Variants in MCU observed in about 807,000 individuals in gnomAD.
MCU encodes the protein calcium uniporter protein, mitochondrial.
In MCU, 12 loss-of-function variants were observed where a neutral mutation model predicts 45.2. That is an observed-to-expected ratio of 0.27 (90% CI 0.17 to 0.43). MCU has a LOEUF of 0.43. MCU is among the 20% of genes least tolerant of loss of function. The pLI, the probability that MCU is intolerant of heterozygous loss-of-function variation, is 1.00. For missense variants in MCU, 324 were observed against 436.7 expected (o/e 0.74, Z 2.30); for synonymous variants, 160 against 165.1 (o/e 0.97, Z 0.24).
chr10:72,831,300 A>G (rs879265178), intron 1 of MCU, among the ~76,000 whole-genome samples: 15 of 152,204 alleles, frequency 9.9e-5, no homozygotes, highest in Admixed American at 5.2e-4. Flanking sequence ...TGTAGTTGAT[A>G]CATAGATACG....
chr10:72,868,010 C>T (rs1845484368), intron 4 of MCU, among the ~76,000 whole-genome samples: 1 of 151,886 alleles, frequency 6.6e-6, no homozygotes, highest in African/African-American at 2.4e-5. Context: ...TTATTGTCAC[C>T]ATTTTAATAA....
At chr10:72,739,663 T>C (rs1843298740) in intron 1 of MCU, among the ~76,000 whole-genome samples, 1 of 152,084 alleles carries the variant, frequency 6.6e-6, no homozygotes, top group Non-Finnish European at 1.5e-5. Context: ...AAAGTAGGCT[T>C]GGTATATGAA....
chr10:72,718,763 A>C (rs1308730522), intron 1 of MCU, among the ~76,000 whole-genome samples: 2 of 152,240 alleles, frequency 1.3e-5, no homozygotes, highest in Non-Finnish European at 2.9e-5. Context: ...ATAAGTATAT[A>C]ATTTGTGACA....
At chr10:72,811,701 C>T (rs1431929452) in intron 1 of MCU, among the ~76,000 whole-genome samples, 1 of 152,144 alleles carries the variant, frequency 6.6e-6, no homozygotes, top group Admixed American at 6.5e-5. Context: ...TTTCTTCTAT[C>T]TCTGTATTAA....
intron 1 of MCU, among the ~76,000 whole-genome samples, chr10:72,700,585 G>C (rs1461627584): frequency 6.6e-6 from 1 of 152,038 alleles, no homozygotes; most frequent in East Asian, 1.9e-4. Context: ...GTGAATTATT[G>C]GTCCAAAAAC....
chr10:72,817,588 G>C (rs948385935), intron 1 of MCU, among the ~76,000 whole-genome samples: 2 of 152,014 alleles, frequency 1.3e-5, no homozygotes, highest in African/African-American at 4.8e-5. Context: ...GTTTTTAAAG[G>C]GCTTACAGTT....
At chr10:72,716,400 G>A (rs1842955380) in intron 1 of MCU, among the ~76,000 whole-genome samples, 1 of 152,218 alleles carries the variant, frequency 6.6e-6, no homozygotes, top group African/African-American at 2.4e-5. Context: ...TGGTATGATT[G>A]ATTACTAATA....
intron 1 of MCU, among the ~76,000 whole-genome samples, chr10:72,794,268 G>C (rs565334655): frequency 3.3e-5 from 5 of 152,032 alleles, no homozygotes; most frequent in Non-Finnish European, 7.4e-5. Context: ...TACAGTGGTG[G>C]GAAAAACATA....
At chr10:72,855,577 G>A (rs1589498091) in intron 2 of MCU, among the ~76,000 whole-genome samples, 1 of 152,002 alleles carries the variant, frequency 6.6e-6, no homozygotes, top group South Asian at 2.1e-4. Context: ...TTAGGACCCT[G>A]TCTCTAAAAA....
At position 72,871,566 on chromosome 10, in the gene MCU, G is replaced by A; in HGVS notation, c.847G>A (p.Val283Ile). 1 of 1,613,590 alleles carries A rather than the reference G, an allele frequency of 6.2e-7. No individual in the cohort carries two copies. The highest frequency in any genetic ancestry group is 8.5e-7 in the Non-Finnish European group (1 of 1,179,444). Residue 283 changes from valine to isoleucine, a missense_variant, in exon 6 of 8, where the codon GTA (valine) becomes ATA (isoleucine). Val to Ile is a conservative substitution (Grantham distance 29). Around this residue, in one of 4 missense-constraint regions of MCU, gnomAD observed 76 missense variants for 99.4 expected, o/e 0.76. Coordinates refer to ENST00000373053, the MANE Select transcript of MCU (RefSeq NM_138357.3). ...TGCCATGGCAATGTATGCATATTTT[G>A]TAATGACACGCCAGGTAAGAATTCT... ...GSAMAMYAYF[V>I]MTRQEYVYPE...
At chr10:72,791,803 C>A in intron 1 of MCU, among the ~76,000 whole-genome samples, 1 of 149,876 alleles carries the variant, frequency 6.7e-6, no homozygotes, top group African/African-American at 2.5e-5. Context: ...CCCTTCTGAA[C>A]ATGTTTTCTT....
rs112936516 is a variant in MCU, at chr10:72,726,256, C to CACACACGTGTGT, written c.150+33955_150+33956insACACACGTGTGT. Among the ~76,000 whole-genome samples, 4 of 145,636 alleles carry CACACACGTGTGT rather than the reference C, an allele frequency of 2.7e-5. No homozygotes were observed. The East Asian group carries it at 8.3e-4, about 30-fold the overall frequency. The stretch of plus-strand genomic sequence containing the variant: ...CACATACTTCAGGCACACACACACA[C>CACACACGTGTGT]GTGTGTGTGTGTGTGTGTGTGTGTG... On this transcript the variant is annotated intron_variant, in intron 1 of 7. Transcript: ENST00000373053.
At chr10:72,866,842 G>A (rs1172383540) in intron 4 of MCU, among the ~76,000 whole-genome samples, 1 of 151,744 alleles carries the variant, frequency 6.6e-6, no homozygotes, top group Admixed American at 6.6e-5. Flanking sequence ...CAGGAGACCT[G>A]GACTCTACCC....
At chr10:72,788,570 G>A (rs915389636) in intron 1 of MCU, among the ~76,000 whole-genome samples, 1 of 152,156 alleles carries the variant, frequency 6.6e-6, no homozygotes, top group South Asian at 2.1e-4. Context: ...AGGCTGCAGA[G>A]TGTGCCATGA....
chr10:72,813,495 G>C (rs1364135921), intron 1 of MCU, among the ~76,000 whole-genome samples: 1 of 105,200 alleles, frequency 9.5e-6, no homozygotes, highest in African/African-American at 3.8e-5. Flanking sequence ...GTCTTGCTCT[G>C]TTGCCCAAGC....
chr10:72,804,017 A>AATATATATATATAT (rs35518652), intron 1 of MCU, among the ~76,000 whole-genome samples: 1 of 34,902 alleles, frequency 2.9e-5, no homozygotes, highest in Non-Finnish European at 6.6e-5. Flanking sequence ...AATGTAAGTA[A>AATATATATATATAT]ATATATATAT....
chr10:72,871,640 G>T (rs1326729005), intron 6 of MCU, 60 bp downstream of exon 6: 2 of 1,459,854 alleles, frequency 1.4e-6, no homozygotes, highest in African/African-American at 2.8e-5. Context: ...ATTGTCAAAA[G>T]AGTTCTTTTT....
chr10:72,773,474 A>G (rs939659657), intron 1 of MCU, among the ~76,000 whole-genome samples: 19 of 152,232 alleles, frequency 1.2e-4, no homozygotes, highest in Non-Finnish European at 1.9e-4. Context: ...CAAAGACTGT[A>G]TATAAGATAT....
intron 1 of MCU, among the ~76,000 whole-genome samples, chr10:72,714,335 C>G (rs1040569376): frequency 2.6e-5 from 2 of 76,086 alleles, no homozygotes; most frequent in Non-Finnish European, 7.4e-5. Context: ...TCAGTTCCCC[C>G]CGCCCTGGTC....
Sources: allele counts gnomAD v4.1 joint callset (sites outside exome capture counted in the v4.1 genomes callset), GRCh38; gene constraint gnomAD v4.1.1; regional missense constraint gnomAD v4.1.1; transcripts MANE v1.5; gene names NCBI Gene and HGNC (gene_info 2026-07-23, HGNC 2026-07-21).